DIAPH2: variants seen among roughly 807,000 people sequenced by gnomAD.
DIAPH2 encodes protein diaphanous homolog 2.
A neutral mutation model predicts 92.7 loss-of-function variants in DIAPH2; 35 were observed. The ratio of observed to expected loss-of-function variants is 0.38; its 90% CI spans 0.29 to 0.50. The LOEUF (loss-of-function observed/expected upper bound fraction) is 0.50, where lower values mean the gene tolerates loss of function less well. Ranked by LOEUF, DIAPH2 falls within the 20% of genes least tolerant of loss-of-function variation. The pLI, the probability that DIAPH2 is intolerant of heterozygous loss-of-function variation, is 0.94. For synonymous variants in DIAPH2, 301 were observed against 280.4 expected (o/e 1.07, Z -0.73); for missense variants, 701 against 819.5 (o/e 0.86, Z 1.77).
chrX:97,149,598 G>A (rs752747269), intron 22 of DIAPH2, among the ~76,000 whole-genome samples: 46 of 108,361 alleles, frequency 4.2e-4, no homozygotes, highest in Non-Finnish European at 7.1e-4. Context: ...AGGCGTGGTC[G>A]CGGGCACCTG....
chrX:96,952,992 G>A (rs1181909714), intron 15 of DIAPH2, among the ~76,000 whole-genome samples: 1 of 108,646 alleles, frequency 9.2e-6, no homozygotes, highest in African/African-American at 3.4e-5. Flanking sequence ...AGTGGTGCAT[G>A]CCTGTAGTCC....
intron 23 of DIAPH2, among the ~76,000 whole-genome samples, chrX:97,272,488 G>A (rs886924223): frequency 1.8e-5 from 2 of 111,999 alleles, no homozygotes; most frequent in African/African-American, 6.5e-5. Context: ...TTAAGATTCA[G>A]TTGATTATTT....
At chrX:96,880,165 A>G (rs1021259771) in intron 4 of DIAPH2, among the ~76,000 whole-genome samples, 1 of 112,032 alleles carries the variant, frequency 8.9e-6, no homozygotes, top group African/African-American at 3.2e-5. Context: ...GAGAAGTTCA[A>G]TAATAACACA....
At chrX:97,316,151 T>G (rs1201868330) in intron 23 of DIAPH2, among the ~76,000 whole-genome samples, 1 of 111,347 alleles carries the variant, frequency 9.0e-6, no homozygotes, top group African/African-American at 3.3e-5. Context: ...CTCTAGCGGG[T>G]TGGTTTGCCT....
chrX:96,901,884 C>G (rs1435179629), intron 5 of DIAPH2, among the ~76,000 whole-genome samples: 1 of 111,062 alleles, frequency 9.0e-6, no homozygotes, highest in East Asian at 2.8e-4. Context: ...ATTAGGTTGT[C>G]AATTTGTGCT....
chrX:97,456,894 A>T, intron 26 of DIAPH2, among the ~76,000 whole-genome samples: 1 of 112,187 alleles, frequency 8.9e-6, no homozygotes. Context: ...AAAGATGAAG[A>T]CTATTTCTAA....
intron 1 of DIAPH2, among the ~76,000 whole-genome samples, chrX:96,686,651 AT>A (rs1448820803): frequency 9.0e-6 from 1 of 111,458 alleles, no homozygotes; most frequent in East Asian, 2.8e-4. Context: ...ATTAACATGA[AT>A]TTTCTTTTTT....
intron 26 of DIAPH2, among the ~76,000 whole-genome samples, chrX:97,591,911 C>A (rs1458922209): frequency 8.9e-6 from 1 of 111,943 alleles, no homozygotes; most frequent in Non-Finnish European, 1.9e-5. Flanking sequence ...CTAGCTTTGA[C>A]ATTGAGTCCA....
At chrX:96,813,441 G>A (rs1324032877) in intron 4 of DIAPH2, among the ~76,000 whole-genome samples, 1 of 110,107 alleles carries the variant, frequency 9.1e-6, no homozygotes, top group African/African-American at 3.3e-5. Flanking sequence ...TGGGTTTCCT[G>A]AATACAGCAC....
rs960900979 is a variant in DIAPH2, at chrX:97,602,572, T to G, written c.*3255T>G. ...TCTAGCCAGGCAAATTTCTGTTATA[T>G]TTCAAGGCCTGGCAGTAATCCTCTT... On this transcript the variant is annotated 3_prime_UTR_variant, in exon 27 of 27. Transcript: ENST00000324765. The G allele has an allele frequency of 3.6e-5, 4 of 112,510 alleles. No individual in the cohort carries two copies. Among genetic ancestry groups the G allele is most frequent in the Non-Finnish European group, 1.9e-5 (1 of 53,310 alleles). The allele number at this position is 112,510 out of a possible 1,213,427, so 9.3% of individuals were successfully genotyped here. A position where few individuals can be genotyped will look rare whatever the true frequency, so the allele number is the denominator to read the frequency against.
At chrX:96,739,042 G>T (rs892155636) in intron 3 of DIAPH2, among the ~76,000 whole-genome samples, 4 of 111,207 alleles carry the variant, frequency 3.6e-5, no homozygotes, top group African/African-American at 1.3e-4. Flanking sequence ...AGGACATCGA[G>T]TCAGTTTTTC....
rs549112562 is a variant in DIAPH2, at chrX:96,970,382, A to AT, written c.2050+5184dup. 7.7e-4 allele frequency among the ~76,000 whole-genome samples: 75 copies of AT among 97,851 alleles called. No individual in the cohort carries two copies. The South Asian group carries it at 0.013, about 16-fold the overall frequency. The allele number at this position is 97,851 out of a possible 115,157, so 85.0% of individuals were successfully genotyped here. On this transcript the variant is annotated intron_variant, in intron 17 of 26. Transcript: ENST00000324765. ...GTTTGTTTGTTTGTTTGTTTTTGTC[A>AT]TTTTTTTTTAATTTAAATTACTGAT...
chrX:97,471,123 A>G (rs778198829), intron 26 of DIAPH2, among the ~76,000 whole-genome samples: 1 of 111,782 alleles, frequency 8.9e-6, no homozygotes, highest in Non-Finnish European at 1.9e-5. Flanking sequence ...GGAGAGGTCC[A>G]TGGCTGAGAG....
At chrX:97,111,003 A>C (rs1192058115) in intron 20 of DIAPH2, among the ~76,000 whole-genome samples, 1 of 110,759 alleles carries the variant, frequency 9.0e-6, no homozygotes, top group East Asian at 2.8e-4. Context: ...AACAAAAAAA[A>C]AAAGATGCCC....
chrX:97,066,061 A>C (rs1389134214), intron 17 of DIAPH2, among the ~76,000 whole-genome samples: 1 of 112,275 alleles, frequency 8.9e-6, no homozygotes, highest in Non-Finnish European at 1.9e-5. Context: ...AATTACTATA[A>C]GCTAAGTTTA....
chrX:96,879,308 A>G (rs1470212031), intron 4 of DIAPH2, among the ~76,000 whole-genome samples: 1 of 111,693 alleles, frequency 9.0e-6, no homozygotes, highest in Non-Finnish European at 1.9e-5. Context: ...TCTTCAAGGC[A>G]GAGAAAACTG....
chrX:97,341,505 G>C (rs2147681080), intron 23 of DIAPH2, among the ~76,000 whole-genome samples: 1 of 109,767 alleles, frequency 9.1e-6, no homozygotes, highest in South Asian at 3.9e-4. Context: ...TATAAAATAA[G>C]AATATTTTAT....
intron 1 of DIAPH2, among the ~76,000 whole-genome samples, chrX:96,699,214 C>T (rs917953145): frequency 1.8e-5 from 2 of 112,088 alleles, no homozygotes; most frequent in South Asian, 7.4e-4. Context: ...TCAAATACTT[C>T]TTATCAATTT....
At chrX:96,781,867 A>C (rs1602502355) in intron 4 of DIAPH2, among the ~76,000 whole-genome samples, 1 of 111,181 alleles carries the variant, frequency 9.0e-6, no homozygotes, top group South Asian at 3.7e-4. Context: ...GATAACTGTT[A>C]TGTGGTAATA....
Sources: allele counts gnomAD v4.1 joint callset (sites outside exome capture counted in the v4.1 genomes callset), GRCh38; gene constraint gnomAD v4.1.1; transcripts MANE v1.5; gene names NCBI Gene and HGNC (gene_info 2026-07-23, HGNC 2026-07-21).